Variants in CDK14 observed in about 807,000 individuals in gnomAD.
CDK14 encodes the protein cyclin-dependent kinase 14.
In CDK14, 34 loss-of-function variants were observed where a neutral mutation model predicts 60.7. The ratio of observed to expected loss-of-function variants is 0.56; its 90% confidence interval spans 0.43 to 0.75. The LOEUF is 0.75. Ranked by LOEUF, CDK14 falls within the 30% of genes least tolerant of loss-of-function variation. CDK14 has a pLI of 0.00. For missense variants in CDK14, 482 were observed against 564.1 expected (o/e 0.85, Z 1.47); for synonymous variants, 197 against 203.7 (o/e 0.97, Z 0.28).
intron 2 of CDK14, among the ~76,000 whole-genome samples, chr7:90,648,416 C>T (rs554199052): frequency 6.6e-6 from 1 of 152,248 alleles, no homozygotes; most frequent in East Asian, 1.9e-4. Flanking sequence ...AGAAGTCACA[C>T]ATTGTCATTT....
chr7:90,748,406 A>T (rs750074980), intron 4 of CDK14, among the ~76,000 whole-genome samples: 40 of 152,072 alleles, frequency 2.6e-4, no homozygotes, highest in Non-Finnish European at 5.1e-4. Context: ...CTCCCTTATT[A>T]ATTAAGGACA....
intron 2 of CDK14, among the ~76,000 whole-genome samples, chr7:90,657,674 A>G (rs1800778448): frequency 6.6e-6 from 1 of 152,114 alleles, no homozygotes; most frequent in Admixed American, 6.6e-5. Flanking sequence ...GCCAGTGGCT[A>G]CTCTATTGGA....
intron 4 of CDK14, among the ~76,000 whole-genome samples, chr7:90,765,845 A>T (rs1804534777): frequency 6.6e-6 from 1 of 152,202 alleles, no homozygotes; most frequent in African/African-American, 2.4e-5. Context: ...AGGAGTCAGT[A>T]GAAAGAGAAA....
At chr7:91,092,967 A>G (rs932583554) in intron 12 of CDK14, among the ~76,000 whole-genome samples, 5 of 152,232 alleles carry the variant, frequency 3.3e-5, no homozygotes, top group African/African-American at 9.6e-5. Context: ...TATTTATTGC[A>G]TACATCACAG....
At chr7:90,801,003 C>T (rs927810584) in intron 5 of CDK14, among the ~76,000 whole-genome samples, 3 of 152,196 alleles carry the variant, frequency 2.0e-5, no homozygotes, top group African/African-American at 7.2e-5. Context: ...GGATTTAGAG[C>T]CCACGCTAAT....
At chr7:91,093,216 G>T (rs532516016) in intron 12 of CDK14, among the ~76,000 whole-genome samples, 1 of 152,154 alleles carries the variant, frequency 6.6e-6, no homozygotes, top group African/African-American at 2.4e-5. Context: ...GATTGGGAAC[G>T]GGAAAAGAAG....
intron 2 of CDK14, among the ~76,000 whole-genome samples, chr7:90,698,548 T>G (rs2116607629): frequency 6.6e-6 from 1 of 152,342 alleles, no homozygotes; most frequent in East Asian, 1.9e-4. Flanking sequence ...AGATGATGCC[T>G]CATAATTTTA....
At chr7:91,200,837 T>C (rs547101244) in intron 14 of CDK14, among the ~76,000 whole-genome samples, 27 of 152,300 alleles carry the variant, frequency 1.8e-4, no homozygotes, top group African/African-American at 6.5e-4. Context: ...AAAGCAGAAT[T>C]GTAATTTACC....
intron 14 of CDK14, among the ~76,000 whole-genome samples, chr7:91,166,855 A>C (rs1229383258): frequency 6.6e-6 from 1 of 152,186 alleles, no homozygotes; most frequent in Non-Finnish European, 1.5e-5. Flanking sequence ...CCTGCAGGTG[A>C]AGCTCATTAA....
intron 5 of CDK14, among the ~76,000 whole-genome samples, chr7:90,838,617 G>A (rs1052468167): frequency 6.6e-6 from 1 of 152,092 alleles, no homozygotes; most frequent in Non-Finnish European, 1.5e-5. Flanking sequence ...GCATTCCCAG[G>A]GGTAGGTCTA....
intron 4 of CDK14, among the ~76,000 whole-genome samples, chr7:90,758,261 A>G (rs1271012165): frequency 2.7e-5 from 4 of 150,474 alleles, no homozygotes; most frequent in Admixed American, 6.7e-5. Context: ...TTTGTCTTTC[A>G]CTGTCTCTTT....
rs1563058888 is a variant in CDK14 at position 90,726,813 on chromosome 7, G to C, written c.369+1G>C. On this transcript the variant is annotated splice_donor_variant, in intron 3 of 14. Coordinates refer to ENST00000380050, the MANE Select transcript of CDK14 (RefSeq NM_001287135.2). LOFTEE classifies it high-confidence loss of function. ...TAGGCGGCACTCCAGCCCCAGCTCG[G>C]TAAGTGCAGTCTTTTTGTTTATCAC... The C allele has an allele frequency of 1.9e-6, 3 of 1,613,252 alleles. No homozygotes were observed. The highest frequency in any genetic ancestry group is 2.2e-5 in the South Asian group (2 of 91,046).
At chr7:90,714,313 G>A (rs967538017) in intron 2 of CDK14, among the ~76,000 whole-genome samples, 2 of 152,002 alleles carry the variant, frequency 1.3e-5, no homozygotes, top group South Asian at 2.1e-4. Flanking sequence ...ACAGTGAAAC[G>A]CTTCTGGAAG....
At chr7:90,750,191 CACACA>C (rs1562752174) in intron 4 of CDK14, among the ~76,000 whole-genome samples, 6 of 93,680 alleles carry the variant, frequency 6.4e-5, no homozygotes, top group Non-Finnish European at 1.0e-4. Flanking sequence ...CACACACACA[CACACA>C]CACACCAATA....
intron 11 of CDK14, among the ~76,000 whole-genome samples, chr7:91,050,882 C>G (rs1465681324): frequency 6.6e-6 from 1 of 152,162 alleles, no homozygotes; most frequent in African/African-American, 2.4e-5. Flanking sequence ...AAGTTAGTGT[C>G]AGAGGTGAAA....
intron 14 of CDK14, among the ~76,000 whole-genome samples, chr7:91,196,872 C>T (rs1437592651): frequency 1.3e-5 from 2 of 152,188 alleles, no homozygotes; most frequent in Non-Finnish European, 2.9e-5. Flanking sequence ...TTATTTTCAC[C>T]TTTTACCATT....
intron 4 of CDK14, among the ~76,000 whole-genome samples, chr7:90,767,781 A>C (rs1804624044): frequency 6.6e-6 from 1 of 152,214 alleles, no homozygotes; most frequent in Non-Finnish European, 1.5e-5. Flanking sequence ...ACCTGAAAAA[A>C]TAAAATTTTT....
At chr7:90,790,738 A>T (rs1805798390) in intron 5 of CDK14, 86 bp downstream of exon 5, 1 of 790,526 alleles carries the variant, frequency 1.3e-6, no homozygotes, top group African/African-American at 1.8e-5. Context: ...GAATATGCTG[A>T]GTTTTAAAAT....
intron 2 of CDK14, among the ~76,000 whole-genome samples, chr7:90,712,976 T>C (rs185637060): frequency 2.8e-5 from 4 of 143,076 alleles, no homozygotes; most frequent in Non-Finnish European, 6.1e-5. Context: ...GGAAACTCAG[T>C]CTCCTGCTGC....
Sources: allele counts gnomAD v4.1 joint callset (sites outside exome capture counted in the v4.1 genomes callset), GRCh38; gene constraint gnomAD v4.1.1; transcripts MANE v1.5; gene names NCBI Gene and HGNC (gene_info 2026-07-23, HGNC 2026-07-21).